The following PTPN4 variants were observed in gnomAD, a reference collection of about 807,000 sequenced individuals.
PTPN4 encodes the protein protein tyrosine phosphatase non-receptor type 4.
Under a neutral mutation model 135.5 loss-of-function variants are expected in PTPN4, and 49 were observed. That is an observed-to-expected ratio of 0.36 (90% confidence interval 0.29 to 0.46). The LOEUF (loss-of-function observed/expected upper bound fraction) is 0.46, where lower values mean the gene tolerates loss of function less well. Ranked by LOEUF, PTPN4 falls within the 20% of genes least tolerant of loss-of-function variation. The pLI, the probability that PTPN4 is intolerant of heterozygous loss-of-function variation, is 1.00. For synonymous variants in PTPN4, 333 were observed against 369.9 expected (o/e 0.90, Z 1.14); for missense variants, 860 against 1,101.0 (o/e 0.78, Z 3.10).
At chr2:119,932,116 C>G (rs1297280978) in intron 13 of PTPN4, among the ~76,000 whole-genome samples, 1 of 152,160 alleles carries the variant, frequency 6.6e-6, no homozygotes, top group Non-Finnish European at 1.5e-5. Flanking sequence ...TCTGAGAAAA[C>G]ATTTGGTAGC....
At chr2:119,867,352 A>C (rs1211870965) in intron 3 of PTPN4, among the ~76,000 whole-genome samples, 1 of 152,130 alleles carries the variant, frequency 6.6e-6, no homozygotes, top group Non-Finnish European at 1.5e-5. Flanking sequence ...TGAAGAAAAG[A>C]AGATGAGTGC....
intron 3 of PTPN4, among the ~76,000 whole-genome samples, chr2:119,870,516 A>C (rs541511838): frequency 6.6e-6 from 1 of 152,312 alleles, no homozygotes; most frequent in South Asian, 2.1e-4. Context: ...TCTGGAAGAG[A>C]ATCTGGATAA....
At chr2:119,854,827 T>C (rs971106500) in intron 2 of PTPN4, among the ~76,000 whole-genome samples, 22 of 152,220 alleles carry the variant, frequency 1.4e-4, no homozygotes, top group Non-Finnish European at 2.2e-4. Context: ...TCTTAGCCTG[T>C]CAATTATTTT....
chr2:119,847,328 A>ATATAT (rs1257711116), intron 2 of PTPN4, among the ~76,000 whole-genome samples: 3,235 of 102,258 alleles, frequency 0.032, 101 homozygotes, highest in African/African-American at 0.064. Flanking sequence ...ATATATATAT[A>ATATAT]TTTTTTTTTT....
intron 1 of PTPN4, among the ~76,000 whole-genome samples, chr2:119,796,256 T>C (rs1457416570): frequency 6.6e-6 from 1 of 152,210 alleles, no homozygotes; most frequent in Non-Finnish European, 1.5e-5. Context: ...TTTTGACATA[T>C]GTATACATCC....
chr2:119,936,148 G>T (rs530232343), intron 15 of PTPN4, among the ~76,000 whole-genome samples: 1 of 152,106 alleles, frequency 6.6e-6, no homozygotes, highest in Admixed American at 6.5e-5. Context: ...GACTACAGGC[G>T]CCAGCCACCA....
At chr2:119,919,749 A>G (rs1165934207) in intron 11 of PTPN4, among the ~76,000 whole-genome samples, 1 of 149,324 alleles carries the variant, frequency 6.7e-6, no homozygotes. Context: ...ACTTGAACCC[A>G]TGAGGTGGAG....
intron 12 of PTPN4, among the ~76,000 whole-genome samples, chr2:119,921,736 G>A (rs1678739332): frequency 6.6e-6 from 1 of 151,434 alleles, no homozygotes; most frequent in South Asian, 2.1e-4. Context: ...TGAAAGTCAA[G>A]GAAAAAGCAA....
At chr2:119,891,784 T>A (rs1297881035) in intron 9 of PTPN4, among the ~76,000 whole-genome samples, 1 of 152,242 alleles carries the variant, frequency 6.6e-6, no homozygotes, top group South Asian at 2.1e-4. Flanking sequence ...GATTTTGAAC[T>A]TTTCTTTTTG....
chr2:119,869,904 A>G (rs1677886349), intron 3 of PTPN4, among the ~76,000 whole-genome samples: 1 of 152,232 alleles, frequency 6.6e-6, no homozygotes, highest in South Asian at 2.1e-4. Flanking sequence ...CTTACCAAAA[A>G]GGTGTTGAAG....
At chr2:119,933,620 A>T (rs536085030) in intron 14 of PTPN4, among the ~76,000 whole-genome samples, 36 of 149,890 alleles carry the variant, frequency 2.4e-4, no homozygotes, top group Non-Finnish European at 4.0e-4. Context: ...TTGAGATCAC[A>T]CCACTGCACT....
At chr2:119,936,377 A>G (rs1291549007) in intron 15 of PTPN4, among the ~76,000 whole-genome samples, 1 of 152,162 alleles carries the variant, frequency 6.6e-6, no homozygotes, top group Non-Finnish European at 1.5e-5. Context: ...CCTCACCCAG[A>G]TCTCACCTTG....
At chr2:119,897,108 T>G (rs1678336144) in intron 9 of PTPN4, among the ~76,000 whole-genome samples, 1 of 152,100 alleles carries the variant, frequency 6.6e-6, no homozygotes, top group African/African-American at 2.4e-5. Flanking sequence ...TGTTTGTTTG[T>G]TTTTGATAGA....
At chr2:119,786,537 A>T (rs1444690389) in intron 1 of PTPN4, among the ~76,000 whole-genome samples, 1 of 152,116 alleles carries the variant, frequency 6.6e-6, no homozygotes, top group Non-Finnish European at 1.5e-5. Context: ...CTGAGCAGAG[A>T]TTCTGTCAGT....
At chr2:119,955,679 T>G (rs1027930023) in intron 20 of PTPN4, among the ~76,000 whole-genome samples, 2 of 152,184 alleles carry the variant, frequency 1.3e-5, no homozygotes, top group Admixed American at 6.5e-5. Context: ...GGCTCACGCC[T>G]GTAATCCCAG....
intron 15 of PTPN4, among the ~76,000 whole-genome samples, chr2:119,936,722 T>C (rs1158837677): frequency 6.6e-6 from 1 of 152,198 alleles, no homozygotes; most frequent in African/African-American, 2.4e-5. Flanking sequence ...AAAACACCTT[T>C]ATTCTACTTT....
chr2:119,761,024 A>G (rs1463810851), intron 1 of PTPN4, among the ~76,000 whole-genome samples: 2 of 152,190 alleles, frequency 1.3e-5, no homozygotes, highest in African/African-American at 2.4e-5. Context: ...GGCTTGCATC[A>G]TGTAGTGACA....
chr2:119,915,413 G>A, intron 11 of PTPN4, 171 bp downstream of exon 11: 1 of 446,806 alleles, frequency 2.2e-6, no homozygotes, highest in Non-Finnish European at 3.9e-6. Context: ...TGTTTTTCCA[G>A]TGTGTATGTG....
chr2:119,975,608 C>G (rs1334230871), intron 26 of PTPN4, among the ~76,000 whole-genome samples: 1 of 152,066 alleles, frequency 6.6e-6, no homozygotes, highest in Non-Finnish European at 1.5e-5. Flanking sequence ...GCCTGTAATC[C>G]CAGCTACTCC....
Sources: allele counts gnomAD v4.1 joint callset (sites outside exome capture counted in the v4.1 genomes callset), GRCh38; gene constraint gnomAD v4.1.1; transcripts MANE v1.5; gene names NCBI Gene and HGNC (gene_info 2026-07-23, HGNC 2026-07-21).